Variants in ABCD3 observed in about 807,000 individuals in gnomAD.
ABCD3 encodes the protein ATP-binding cassette sub-family D member 3.
In ABCD3, 41 loss-of-function variants were observed where a neutral mutation model predicts 105.5. The observed-to-expected ratio is 0.39, with a 90% confidence interval of 0.30 to 0.50. The LOEUF (loss-of-function observed/expected upper bound fraction) is 0.50. Among genes scored for constraint, ABCD3 ranks in the 20% least tolerant of loss-of-function variants. The pLI is 0.84. For missense variants in ABCD3, 622 were observed against 806.3 expected (o/e 0.77, Z 2.77); for synonymous variants, 258 against 269.0 (o/e 0.96, Z 0.40).
chr1:94,402,936 A>G, the ABCD3 span, among the ~76,000 whole-genome samples: 1 of 145,622 alleles, frequency 6.9e-6, no homozygotes, highest in Non-Finnish European at 1.5e-5. Flanking sequence ...TATATCTCCC[A>G]ATGCTATCCC....
At chr1:94,455,123 A>G (rs951956054) in intron 1 of ABCD3, among the ~76,000 whole-genome samples, 1 of 152,214 alleles carries the variant, frequency 6.6e-6, no homozygotes, top group Non-Finnish European at 1.5e-5. Flanking sequence ...CATGTATGAT[A>G]AATCTGCTGT....
chr1:94,499,055 T>A, intron 19 of ABCD3, 21 bp downstream of exon 19: 1 of 1,568,074 alleles, frequency 6.4e-7, no homozygotes, highest in Admixed American at 1.7e-5. Context: ...GTTTATATCC[T>A]AGATCCACTG....
At chr1:94,446,618 T>G (rs1430972993) in intron 1 of ABCD3, among the ~76,000 whole-genome samples, 1 of 152,156 alleles carries the variant, frequency 6.6e-6, no homozygotes, top group East Asian at 1.9e-4. Context: ...AGCAGCTTAT[T>G]GGGTGAATCA....
intron 1 of ABCD3, among the ~76,000 whole-genome samples, chr1:94,433,343 G>A (rs935522007): frequency 2.6e-5 from 4 of 151,494 alleles, no homozygotes; most frequent in South Asian, 2.1e-4. Flanking sequence ...TAGTACAGAC[G>A]GGATTTCTCC....
chr1:94,475,814 G>A (rs1240517956), intron 7 of ABCD3, 77 bp downstream of exon 7: 1 of 1,231,680 alleles, frequency 8.1e-7, no homozygotes, highest in African/African-American at 1.5e-5. Context: ...ATATAGAATT[G>A]ATTTTGTGGA....
chr1:94,443,731 T>A lies in ABCD3; in HGVS notation c.111-14876T>A, dbSNP rs75237598. On this transcript the variant is annotated intron_variant, in intron 1 of 22. Transcript: ENST00000370214. ...AATTTTCCCAGCACTGTTTATTGAA[T>A]GGGGTGTCCTTTCCCCAGTGCATAT... Among the ~76,000 whole-genome samples, 495 of 152,302 alleles carry A rather than the reference T, an allele frequency of 3.3e-3. 1 individual carries two copies. The highest frequency in any genetic ancestry group is 4.2e-3 in the Non-Finnish European group (289 of 68,026).
At position 94,517,058 on chromosome 1, in the gene ABCD3, C is replaced by T. The variant is rs746236300; in HGVS notation, c.1909C>T (p.Leu637=). 1.2e-6 allele frequency: 2 copies of T among 1,608,504 alleles called. No homozygotes were observed. The highest frequency in any genetic ancestry group is 2.2e-5 in the South Asian group (2 of 90,954). ...KSLWKHHEYY[L]HMDGRGNYEF... ...TCCCCCTTCTTTCCCATAGTACTACCTGCATATGGATGGCAGAGGCAACTA... is the reference window on the plus strand; with the variant it reads ...TCCCCCTTCTTTCCCATAGTACTACTTGCATATGGATGGCAGAGGCAACTA... The change falls in exon 23 of 23, where the codon CTG becomes TTG. Residue 637 remains leucine, a synonymous_variant. Transcript: ENST00000370214.
Position 94,441,019 on chromosome 1 carries a change from A to T in ABCD3, c.111-17588A>T, listed in dbSNP as rs560187669. On this transcript the variant is annotated intron_variant, in intron 1 of 22. Transcript: ENST00000370214. Reference sequence around the variant, plus strand: ...ATCCATTAAAGTATACAAGTGCCAGAGAAAAACATGGGTGGATTCCTCTAT... The same window carrying T: ...ATCCATTAAAGTATACAAGTGCCAGTGAAAAACATGGGTGGATTCCTCTAT... Among the ~76,000 whole-genome samples the T allele has an allele frequency of 1.6e-4, 24 of 152,362 alleles. No individual in the cohort carries two copies. The South Asian group carries it at 5.0e-3, about 32-fold the overall frequency.
At chr1:94,443,831 A>G (rs974632470) in intron 1 of ABCD3, among the ~76,000 whole-genome samples, 4 of 152,142 alleles carry the variant, frequency 2.6e-5, no homozygotes, top group Admixed American at 2.6e-4. Flanking sequence ...GTGTTTGTAT[A>G]GAAATTTTAG....
chr1:94,391,635 C>G, the ABCD3 span, among the ~76,000 whole-genome samples: 1 of 152,198 alleles, frequency 6.6e-6, no homozygotes, highest in Non-Finnish European at 1.5e-5. Context: ...TAGCACTGCA[C>G]TCCTCATTGC....
chr1:94,429,323 C>G (rs1036063620), intron 1 of ABCD3, among the ~76,000 whole-genome samples: 2 of 152,242 alleles, frequency 1.3e-5, no homozygotes, highest in South Asian at 4.2e-4. Context: ...AAAGAAAAAC[C>G]CATTTTCTGA....
At chr1:94,445,477 C>T (rs373429066) in intron 1 of ABCD3, among the ~76,000 whole-genome samples, 3 of 152,280 alleles carry the variant, frequency 2.0e-5, no homozygotes, top group South Asian at 2.1e-4. Flanking sequence ...TGGTTCGTTC[C>T]ACCTTGGAAC....
chr1:94,461,600 T>C (rs1570774850), intron 2 of ABCD3, among the ~76,000 whole-genome samples: 1 of 152,182 alleles, frequency 6.6e-6, no homozygotes, highest in East Asian at 1.9e-4. Context: ...GGTCACTTCA[T>C]GTTTAAAGCT....
At chr1:94,475,546 A>AT in intron 6 of ABCD3, 68 bp from the exon 7 acceptor site, 1 of 1,520,726 alleles carries the variant, frequency 6.6e-7, no homozygotes, top group Admixed American at 1.7e-5. Flanking sequence ...GTGTAATATG[A>AT]TTTTTTTGTT....
At chr1:94,391,259 T>G in the ABCD3 span, among the ~76,000 whole-genome samples, 1 of 152,194 alleles carries the variant, frequency 6.6e-6, no homozygotes, top group Non-Finnish European at 1.5e-5. Context: ...TTTATTATAT[T>G]AGGTTGGTGC....
chr1:94,501,027 C>T (rs1039105392), intron 20 of ABCD3, among the ~76,000 whole-genome samples: 1 of 151,964 alleles, frequency 6.6e-6, no homozygotes, highest in Non-Finnish European at 1.5e-5. Flanking sequence ...GAAATGGACA[C>T]GACGGAAACT....
intron 2 of ABCD3, among the ~76,000 whole-genome samples, chr1:94,460,563 T>TA (rs1251286512): frequency 6.6e-6 from 1 of 152,176 alleles, no homozygotes; most frequent in African/African-American, 2.4e-5. Context: ...TCATGGAGCT[T>TA]ACATTCTGCA....
At position 94,494,156 on chromosome 1, in the gene ABCD3, A is replaced by G. The variant is rs911255859; in HGVS notation, c.1386+2909A>G. Among the ~76,000 whole-genome samples, 3 of 152,310 alleles carry G rather than the reference A, an allele frequency of 2.0e-5. No homozygotes were observed. In the South Asian group the frequency reaches 6.2e-4, roughly 32 times the overall value. ...TATTAAAATACATCAAAATGTTTAA[A>G]TTAATGAGTTTATTATGATACTCAT... On this transcript the variant is annotated intron_variant, in intron 16 of 22. Transcript: ENST00000370214.
At chr1:94,467,420 C>CT in intron 3 of ABCD3, among the ~76,000 whole-genome samples, 1 of 152,228 alleles carries the variant, frequency 6.6e-6, no homozygotes, top group South Asian at 2.1e-4. Context: ...ATTGAAAGCC[C>CT]TATGAGGGCA....
Sources: allele counts gnomAD v4.1 joint callset (sites outside exome capture counted in the v4.1 genomes callset), GRCh38; gene constraint gnomAD v4.1.1; transcripts MANE v1.5; gene names NCBI Gene and HGNC (gene_info 2026-07-23, HGNC 2026-07-21).